USP19: variants seen among roughly 807,000 people sequenced by gnomAD.
USP19 encodes the protein ubiquitin specific peptidase 19.
USP19 carries 40 observed loss-of-function variants against 144.8 expected under a neutral mutation model. The ratio of observed to expected loss-of-function variants is 0.28; its 90% CI spans 0.21 to 0.36. USP19 has a LOEUF of 0.36. Ranked by LOEUF, USP19 falls within the 10% of genes least tolerant of loss-of-function variation. The pLI is 1.00. For synonymous variants in USP19, 701 were observed against 709.3 expected, an observed-to-expected ratio of 0.99 and a Z score of 0.19; for missense variants, 1,518 against 1,822.5, an observed-to-expected ratio of 0.83 and a Z score of 3.04.
intron 26 of USP19, chr3:49,109,978 T>A (rs1029214165): frequency 5.9e-6 from 3 of 510,894 alleles, no homozygotes; most frequent in East Asian, 3.5e-5. Context: ...AGTGGCAGCA[T>A]GTTAGTGTAC....
chr3:49,120,480 C>T (rs1403212494), intron 1 of USP19: 1 of 152,332 alleles, frequency 6.6e-6, no homozygotes. Flanking sequence ...CAGATCAGCG[C>T]CCCGGTCGAG....
chr3:49,113,889 C>T, intron 17 of USP19, 103 bp downstream of exon 17: 1 of 1,273,746 alleles, frequency 7.9e-7, no homozygotes, highest in East Asian at 2.4e-5. Context: ...CCACTGTGCC[C>T]AGCCCATGTG....
Position 49,110,904 on chromosome 3 carries a change from C to T in USP19, c.3546-41G>A, listed in dbSNP as rs1293284487. ...ATTGGGTCAGGACCAGCAAGTCTCTCTCTTCTCCATCCTGCCCCCTTATCT... is the reference window on the plus strand; with the variant it reads ...ATTGGGTCAGGACCAGCAAGTCTCTTTCTTCTCCATCCTGCCCCCTTATCT... On this transcript the variant is annotated intron_variant, in intron 23 of 26. Transcript: ENST00000417901. The surrounding 1 kb of genome is among the most constrained non-coding windows in gnomAD (Gnocchi z 6.1). 2.5e-6 allele frequency: 4 copies of T among 1,613,634 alleles called. No individual in the cohort carries two copies. The Admixed American group carries it at 5.0e-5, about 20-fold the overall frequency.
At position 49,112,199 on chromosome 3, in the gene USP19, A is replaced by G. The variant is rs963041918; in HGVS notation, c.2765+85T>C. 221 of 1,550,274 alleles carry G rather than the reference A, an allele frequency of 1.4e-4. No homozygotes were observed. The highest frequency in any genetic ancestry group is 1.9e-4 in the Non-Finnish European group (217 of 1,146,514). On this transcript the variant is annotated intron_variant, in intron 19 of 26. Transcript: ENST00000417901. This position sits in a 1 kb window ranked among gnomAD's most constrained non-coding sequence, Gnocchi z 4.9. ...AGGGTGGCAAGTAGAAAGCTTAAGC[A>G]TATGTGCCTTGGTGTGAAGGGAAGG...
Position 49,114,754 on chromosome 3 carries a change from C to A in USP19, c.2292+9G>T. On this transcript the variant is annotated intron_variant, in intron 15 of 26. Transcript: ENST00000417901. The surrounding 1 kb of genome is among the most constrained non-coding windows in gnomAD (Gnocchi z 4.5). ...CTAGGGGGTCTCTTTCCAGGGGAGC[C>A]CATCACACCTTGGCACACACAGGGC... is the stretch of plus-strand genomic sequence containing the variant. 1 of 1,613,862 alleles carries A rather than the reference C, an allele frequency of 6.2e-7. No homozygotes were observed. The highest frequency in any genetic ancestry group is 8.5e-7 in the Non-Finnish European group (1 of 1,179,842).
In USP19 at chr3:49,112,048, C is replaced by T. The variant is rs781313395; in HGVS notation, c.2766G>A (p.Gln922=). 1 of 1,613,836 alleles carries T rather than the reference C, an allele frequency of 6.2e-7. No individual in the cohort carries two copies. Among genetic ancestry groups the T allele is most frequent in the East Asian group, 2.2e-5 (1 of 44,872 alleles). Residue 922 remains glutamine (Q), a splice_region_variant and synonymous_variant, in exon 20 of 27, where the codon CAG becomes CAA. Coordinates refer to ENST00000417901, the MANE Select transcript of USP19 (RefSeq NM_001199161.2). This position sits in a 1 kb window ranked among gnomAD's most constrained non-coding sequence, Gnocchi z 4.9. ...TRCYRVGYCN[Q]LCQKTHWPDH... ...CAGGCCAGTGGGTTTTCTGGCAGAG[C>T]CTGACGGGAAGAGGAAGACAAGGAT... is the stretch of plus-strand genomic sequence containing the variant.
rs376681208 is a variant in USP19, at chr3:49,114,908, A to G, written c.2182-35T>C. 1,018 of 1,614,164 alleles carry G rather than the reference A, an allele frequency of 6.3e-4. 9 individuals are homozygous for G. In the African/African-American group the frequency reaches 0.011, roughly 17 times the overall value. On this transcript the variant is annotated intron_variant, in intron 14 of 26. Coordinates refer to ENST00000417901, the MANE Select transcript of USP19 (RefSeq NM_001199161.2). This position sits in a 1 kb window ranked among gnomAD's most constrained non-coding sequence, Gnocchi z 4.5. ...AGAGTGGTGAGAACCAAAGAGTACC[A>G]GGGGCTGGGATGCTCATGAGACATG...
Position 49,116,285 on chromosome 3 carries a change from C to A in USP19, c.1350G>T (p.Lys450Asn). ...TGGGGCCGGGCACCACCCACCTGAG[C>A]TTCACCTGCCAACGGAAGGTGGTGT... ...GPHTTFRWQV[K>N]LRNLIEPEQC... Residue 450 changes from lysine to asparagine, a missense_variant, in exon 9 of 27, where the codon AAG becomes AAT. Lys to Asn is a moderately conservative substitution (Grantham distance 94). Coordinates refer to ENST00000417901, the MANE Select transcript of USP19 (RefSeq NM_001199161.2). This position sits in a 1 kb window ranked among gnomAD's most constrained non-coding sequence, Gnocchi z 5.0. 1 of 1,613,510 alleles carries A rather than the reference C, an allele frequency of 6.2e-7. No individual in the cohort carries two copies. Among genetic ancestry groups the A allele is most frequent in the Non-Finnish European group, 8.5e-7 (1 of 1,179,866 alleles).
chr3:49,113,866 C>A (rs1036172942), intron 17 of USP19, 126 bp downstream of exon 17: 1 of 1,030,296 alleles, frequency 9.7e-7, no homozygotes, highest in Non-Finnish European at 1.4e-6. Flanking sequence ...AGTGCTGGGA[C>A]TACAGGCATG....
At position 49,110,119 on chromosome 3, in the gene USP19, C is replaced by A; in HGVS notation, c.4038+65G>T. ...TGGCTGGAGGAGAGGAAGCTATATC[C>A]CCCAACCCGGCCCCAGTCTGTGAAC... is the stretch of plus-strand genomic sequence containing the variant. On this transcript the variant is annotated intron_variant, in intron 26 of 26. Coordinates refer to ENST00000417901, the MANE Select transcript of USP19 (RefSeq NM_001199161.2). This position sits in a 1 kb window ranked among gnomAD's most constrained non-coding sequence, Gnocchi z 6.1. 6.9e-7 allele frequency: 1 copy of A among 1,442,930 alleles called. No homozygotes were observed. 89.4% of individuals were successfully genotyped at this position (1,442,930 alleles called of 1,614,324 possible). A position where few individuals can be genotyped will look rare whatever the true frequency, so the allele number is the denominator to read the frequency against.
chr3:49,116,650 A>T lies in USP19; in HGVS notation c.1127-43T>A, dbSNP rs769227676. 6.2e-7 allele frequency: 1 copy of T among 1,612,800 alleles called. No homozygotes were observed. Among genetic ancestry groups the T allele is most frequent in the Non-Finnish European group, 8.5e-7 (1 of 1,179,166 alleles). ...CTCAGCCCCAACCAGGACAGGTTCC[A>T]GCCTATTGCTACTCTCTATCCACCT... On this transcript the variant is annotated intron_variant, in intron 7 of 26. Transcript: ENST00000417901. This position sits in a 1 kb window ranked among gnomAD's most constrained non-coding sequence, Gnocchi z 5.0.
In USP19 at chr3:49,116,002, C is replaced by T; in HGVS notation, c.1471+45G>A. On this transcript the variant is annotated intron_variant, in intron 10 of 26. Coordinates refer to ENST00000417901, the MANE Select transcript of USP19 (RefSeq NM_001199161.2). The surrounding 1 kb of genome is among the most constrained non-coding windows in gnomAD (Gnocchi z 5.0). ...AGCAGCATGTGACAGGGGTTTGGGT[C>T]CTGGTCACGTGGAACTGGGCAATGA... The T allele has an allele frequency of 6.4e-7, 1 of 1,572,628 alleles. No individual in the cohort carries two copies. Among genetic ancestry groups the T allele is most frequent in the Non-Finnish European group, 8.6e-7 (1 of 1,162,762 alleles).
rs1295392783 is a variant in USP19, at chr3:49,114,523, C to T, written c.2293-239G>A. Among the ~76,000 whole-genome samples, 1 of 152,192 alleles carries T rather than the reference C, an allele frequency of 6.6e-6. No individual in the cohort carries two copies. Among genetic ancestry groups the T allele is most frequent in the African/African-American group, 2.4e-5 (1 of 41,442 alleles). On this transcript the variant is annotated intron_variant, in intron 15 of 26. Coordinates refer to ENST00000417901, the MANE Select transcript of USP19 (RefSeq NM_001199161.2). This position sits in a 1 kb window ranked among gnomAD's most constrained non-coding sequence, Gnocchi z 4.5. Reference sequence around the variant, plus strand: ...ACTTTACGAATTGGCCTCACACTTGCACCCCATGTGCCCACAACCCTGCTA... The same window carrying T: ...ACTTTACGAATTGGCCTCACACTTGTACCCCATGTGCCCACAACCCTGCTA...
rs373802418 is a variant in USP19, at chr3:49,116,981, G to A, written c.910-38C>T. 6.0e-5 allele frequency: 96 copies of A among 1,594,790 alleles called. No homozygotes were observed. Among genetic ancestry groups the A allele is most frequent in the Middle Eastern group, 5.0e-4 (3 of 6,038 alleles). The stretch of plus-strand genomic sequence containing the variant: ...AGATTGTGGAAAGAATCAGCCCTGG[G>A]TCTGCCAGGTGGCTCCCACTCCAGT... On this transcript the variant is annotated intron_variant, in intron 6 of 26. Transcript: ENST00000417901. This position sits in a 1 kb window ranked among gnomAD's most constrained non-coding sequence, Gnocchi z 5.0.
chr3:49,111,597 A>T lies in USP19; in HGVS notation c.3120T>A (p.Pro1040=). Reference sequence around the variant, plus strand: ...AAGAAATTCCACTGGTGCTGGGCACAGGACCCCGGTCAGGGGCTGCCCACA... The same window carrying T: ...AAGAAATTCCACTGGTGCTGGGCACTGGACCCCGGTCAGGGGCTGCCCACA... The part of the protein sequence containing the change: ...PRVWAAPDRG[P]VPSTSGISSE... The change falls in exon 21 of 27, where the codon CCT becomes CCA. Residue 1040 remains proline, a synonymous_variant. Coordinates refer to ENST00000417901, the MANE Select transcript of USP19 (RefSeq NM_001199161.2). The surrounding 1 kb of genome is among the most constrained non-coding windows in gnomAD (Gnocchi z 5.9). The T allele has an allele frequency of 6.2e-7, 1 of 1,612,754 alleles. No individual in the cohort carries two copies. The highest frequency in any genetic ancestry group is 8.5e-7 in the Non-Finnish European group (1 of 1,179,796).
intron 2 of USP19, among the ~76,000 whole-genome samples, chr3:49,118,453 AGCTACTTGGGAGGCTGAG>A (rs890846022): frequency 9.9e-5 from 15 of 151,906 alleles, no homozygotes; most frequent in African/African-American, 2.9e-4. Flanking sequence ...CTGTAATCCC[AGCTACTTGGGAGGCTGAG>A]GCTACTTGGG....
chr3:49,115,792 G>A lies in USP19; in HGVS notation c.1624C>T (p.Leu542=). The A allele has an allele frequency of 1.2e-6, 2 of 1,614,104 alleles. No individual in the cohort carries two copies. Among genetic ancestry groups the A allele is most frequent in the Non-Finnish European group, 1.7e-6 (2 of 1,179,970 alleles). The change falls in exon 11 of 27, where the codon CTA becomes TTA. Residue 542 remains leucine, a synonymous_variant. Transcript: ENST00000417901. The surrounding 1 kb of genome is among the most constrained non-coding windows in gnomAD (Gnocchi z 6.6). ...KSKARSEDTG[L]DSVATRTPME... ...GGTGTGCGGGTTGCCACACTGTCTA[G>A]CCCTGTGTCCTCAGATCGTGCCTTG...
chr3:49,118,250 A>T, intron 2 of USP19, 130 bp from the exon 3 acceptor site: 3 of 372,098 alleles, frequency 8.1e-6, no homozygotes, highest in East Asian at 4.8e-5. Context: ...TCTGTGCAAG[A>T]GTGAGACCCT....
rs774669841 is a variant in USP19, at chr3:49,114,750, G to C, written c.2292+13C>G. On this transcript the variant is annotated intron_variant, in intron 15 of 26. Coordinates refer to ENST00000417901, the MANE Select transcript of USP19 (RefSeq NM_001199161.2). This position sits in a 1 kb window ranked among gnomAD's most constrained non-coding sequence, Gnocchi z 4.5. Reference sequence around the variant, plus strand: ...TGAACTAGGGGGTCTCTTTCCAGGGGAGCCCATCACACCTTGGCACACACA... The same window carrying C: ...TGAACTAGGGGGTCTCTTTCCAGGGCAGCCCATCACACCTTGGCACACACA... The C allele has an allele frequency of 6.2e-7, 1 of 1,613,580 alleles. No homozygotes were observed. Among genetic ancestry groups the C allele is most frequent in the Admixed American group, 1.7e-5 (1 of 60,022 alleles).
Sources: allele counts gnomAD v4.1 joint callset (sites outside exome capture counted in the v4.1 genomes callset), GRCh38; gene constraint gnomAD v4.1.1; non-coding constraint Gnocchi (gnomAD v3.1); transcripts MANE v1.5; gene names NCBI Gene and HGNC (gene_info 2026-07-23, HGNC 2026-07-21).